The following USP33 variants were observed in gnomAD, a reference collection of about 807,000 sequenced individuals.
USP33 encodes ubiquitin specific peptidase 33, also known as ubiquitin carboxyl-terminal hydrolase 33.
USP33 carries 46 observed loss-of-function variants against 124.2 expected under a neutral mutation model. The ratio of observed to expected loss-of-function variants is 0.37; its 90% CI spans 0.29 to 0.47. The LOEUF is 0.47. USP33 is among the 20% of genes least tolerant of loss of function. The pLI is 0.99. For synonymous variants in USP33, 350 were observed against 352.3 expected (o/e 0.99, Z 0.07); for missense variants, 851 against 1,070.6 (o/e 0.79, Z 2.86).
chr1:77,740,872 C>A lies in USP33; in HGVS notation c.198+5G>T. 6.4e-7 allele frequency: 1 copy of A among 1,559,840 alleles called. No individual in the cohort carries two copies. The highest frequency in any genetic ancestry group is 8.7e-7 in the Non-Finnish European group (1 of 1,149,108). ...AGTCTTCCATTAAATTTTTTATATA[C>A]ATACCTGAGAATGTATGGTGCTGTG... On this transcript the variant is annotated splice_donor_5th_base_variant and intron_variant, in intron 4 of 23. Coordinates refer to ENST00000370794, the MANE Select transcript of USP33 (RefSeq NM_201624.3).
At chr1:77,741,295 C>A in intron 3 of USP33, 81 bp downstream of exon 3, 1 of 1,389,632 alleles carries the variant, frequency 7.2e-7, no homozygotes, top group South Asian at 1.4e-5. Context: ...CTTTAAGTAT[C>A]AAAAATTTTC....
chr1:77,716,684 C>T (rs1675945923), intron 17 of USP33, among the ~76,000 whole-genome samples: 1 of 152,110 alleles, frequency 6.6e-6, no homozygotes, highest in African/African-American at 2.4e-5. Context: ...AAACTCCCCA[C>T]ATTCCTTTTC....
chr1:77,709,721 T>C (rs1454352662), intron 21 of USP33, among the ~76,000 whole-genome samples: 2 of 151,468 alleles, frequency 1.3e-5, no homozygotes, highest in Non-Finnish European at 2.9e-5. Flanking sequence ...AATCAATAGA[T>C]TGGAGTAATC....
Position 77,740,871 on chromosome 1 carries a change from A to T in USP33, c.198+6T>A. 6.4e-7 allele frequency: 1 copy of T among 1,558,280 alleles called. No homozygotes were observed. The highest frequency in any genetic ancestry group is 1.4e-5 in the African/African-American group (1 of 73,338). ...AAGTCTTCCATTAAATTTTTTATAT[A>T]CATACCTGAGAATGTATGGTGCTGT... On this transcript the variant is annotated splice_donor_region_variant and intron_variant, in intron 4 of 23. Transcript: ENST00000370794.
intron 16 of USP33, 36 bp downstream of exon 16, chr1:77,718,560 C>A (rs1003923847): frequency 4.0e-6 from 6 of 1,491,800 alleles, no homozygotes; most frequent in Middle Eastern, 1.7e-4. Flanking sequence ...ATGTTCCTAC[C>A]ACACAATATA....
intron 19 of USP33, chr1:77,713,587 G>T: frequency 4.8e-6 from 1 of 208,052 alleles, no homozygotes; most frequent in Non-Finnish European, 8.6e-6. Flanking sequence ...TGTAGAAACA[G>T]GCTCTCATTA....
intron 1 of USP33, among the ~76,000 whole-genome samples, chr1:77,757,744 G>A (rs892475190): frequency 6.6e-6 from 1 of 152,140 alleles, no homozygotes; most frequent in African/African-American, 2.4e-5. Context: ...TGTATCAAAA[G>A]CTGCTTTGGC....
rs763295702 is a variant in USP33, at chr1:77,725,609, A to C, written c.1276+13T>G. 1 of 1,613,664 alleles carries C rather than the reference A, an allele frequency of 6.2e-7. No individual in the cohort carries two copies. On this transcript the variant is annotated intron_variant, in intron 11 of 23. Coordinates refer to ENST00000370794, the MANE Select transcript of USP33 (RefSeq NM_201624.3). ...CCCAAAGCAAAAGAGACTGAATAAG[A>C]GAAACGTTTTACCTTTTTTGTGTGG...
chr1:77,759,773 C>G lies in USP33; in HGVS notation c.-182G>C. 2.5e-6 allele frequency: 1 copy of G among 397,942 alleles called. No individual in the cohort carries two copies. Among genetic ancestry groups the G allele is most frequent in the Non-Finnish European group, 4.4e-6 (1 of 225,558 alleles). The allele number at this position is 397,942 out of a possible 1,614,324, so 24.7% of individuals were successfully genotyped here. On this transcript the variant is annotated 5_prime_UTR_variant, in exon 1 of 24. Transcript: ENST00000370794. ...TCGCGTCAGGAGGGCCGGAAAACGG[C>G]CCCGCAGCGCTGCCCTCGGGGGGTC...
At position 77,759,694 on chromosome 1, in the gene USP33, G is replaced by A; in HGVS notation, c.-103C>T. 1 of 399,026 alleles carries A rather than the reference G, an allele frequency of 2.5e-6. No individual in the cohort carries two copies. The highest frequency in any genetic ancestry group is 4.4e-6 in the Non-Finnish European group (1 of 226,476). The allele number at this position is 399,026 out of a possible 1,614,324, so 24.7% of individuals were successfully genotyped here. A position where few individuals can be genotyped will look rare whatever the true frequency, so the allele number is the denominator to read the frequency against. On this transcript the variant is annotated 5_prime_UTR_variant, in exon 1 of 24. Coordinates refer to ENST00000370794, the MANE Select transcript of USP33 (RefSeq NM_201624.3). ...CCAGCTCGACCAACAACGGCCTGCAGCCGCACCTCCGCAAGCTCCTCTTTT... is the reference window on the plus strand; with the variant it reads ...CCAGCTCGACCAACAACGGCCTGCAACCGCACCTCCGCAAGCTCCTCTTTT...
chr1:77,717,913 C>A lies in USP33; in HGVS notation c.1872G>T (p.Val624=). The part of the protein sequence containing the change: ...FLAKDSPAQI[V]TYDLLSVICH... ...AAATGACTGACAGAAGATCATATGT[C>A]ACAATTTGAGCTGGACTATCCTTAG... Residue 624 remains valine (V), a synonymous_variant, in exon 17 of 24, where the codon GTG becomes GTT. Coordinates refer to ENST00000370794, the MANE Select transcript of USP33 (RefSeq NM_201624.3). 6.2e-7 allele frequency: 1 copy of A among 1,613,006 alleles called. No individual in the cohort carries two copies. Among genetic ancestry groups the A allele is most frequent in the South Asian group, 1.1e-5 (1 of 90,710 alleles).
chr1:77,720,553 T>C, intron 15 of USP33: 1 of 985,444 alleles, frequency 1.0e-6, no homozygotes, highest in Non-Finnish European at 1.2e-6. Flanking sequence ...GAAGTCTGTA[T>C]TATCCCAGAT....
chr1:77,711,748 C>T lies in USP33; in HGVS notation c.2405G>A (p.Arg802Gln), dbSNP rs771775230. 5 of 1,601,758 alleles carry T rather than the reference C, an allele frequency of 3.1e-6. No individual in the cohort carries two copies. Among genetic ancestry groups the T allele is most frequent in the South Asian group, 1.1e-5 (1 of 88,390 alleles). ...RRKTELEIFI[R>Q]LNRAFQKEDS... ...ATTTGAAAAGCATCACTTTTTTACC[C>T]GAATAAAAATTTCCAATTCAGTTTT... The change falls in exon 21 of 24, where the codon CGG becomes CAG. Residue 802 changes from arginine to glutamine, a missense_variant and splice_region_variant. This residue lies in a region of USP33 where 142 missense variants were observed against 141.8 expected (regional missense o/e 1.00). Transcript: ENST00000370794.
chr1:77,758,175 C>CTTTTT (rs1185358841), intron 1 of USP33, among the ~76,000 whole-genome samples: 49 of 94,298 alleles, frequency 5.2e-4, no homozygotes, highest in South Asian at 8.2e-4. Context: ...TTGTACTGTC[C>CTTTTT]TTTTTTTTTT....
At chr1:77,716,006 G>A in intron 17 of USP33, 138 bp from the exon 18 acceptor site, 1 of 908,324 alleles carries the variant, frequency 1.1e-6, no homozygotes. Context: ...TTTTCAGTTT[G>A]CACGCTTGCC....
chr1:77,712,836 T>C (rs1675421066), intron 20 of USP33, among the ~76,000 whole-genome samples: 1 of 152,076 alleles, frequency 6.6e-6, no homozygotes, highest in Admixed American at 6.6e-5. Context: ...CCAGCCTGGT[T>C]GATGGAGCAA....
At chr1:77,747,589 C>T (rs1679872144) in intron 1 of USP33, among the ~76,000 whole-genome samples, 1 of 152,134 alleles carries the variant, frequency 6.6e-6, no homozygotes, top group Non-Finnish European at 1.5e-5. Context: ...GTCAATATGT[C>T]TGTCTTAATG....
intron 17 of USP33, among the ~76,000 whole-genome samples, chr1:77,716,524 A>AT (rs545339723): frequency 2.0e-5 from 3 of 152,224 alleles, no homozygotes; most frequent in Non-Finnish European, 4.4e-5. Context: ...TGAGACTCGC[A>AT]TTTATTCAGT....
At chr1:77,758,175 C>CTTTTTTTTT (rs1185358841) in intron 1 of USP33, among the ~76,000 whole-genome samples, 2 of 94,284 alleles carry the variant, frequency 2.1e-5, no homozygotes, top group Non-Finnish European at 3.9e-5. Context: ...TTGTACTGTC[C>CTTTTTTTTT]TTTTTTTTTT....
Sources: gnomAD v4.1 joint callset for allele counts (sites outside exome capture counted in the v4.1 genomes callset) on GRCh38, gnomAD v4.1.1 for gene constraint, gnomAD v4.1.1 regional missense constraint, MANE v1.5 for transcripts, NCBI Gene and HGNC (gene_info 2026-07-23, HGNC 2026-07-21) for gene names.